The following CCDC171 variants were observed in gnomAD, a reference collection of about 807,000 sequenced individuals.
CCDC171 encodes coiled-coil domain containing 171, also known as coiled-coil domain-containing protein 171.
A neutral mutation model predicts 168.2 loss-of-function variants in CCDC171; 177 were observed. The ratio of observed to expected loss-of-function variants is 1.05; its 90% CI spans 0.93 to 1.19. CCDC171 has a LOEUF of 1.19. Among genes scored for constraint, CCDC171 ranks in the 50% most tolerant of loss-of-function variants. The pLI, the probability that CCDC171 is intolerant of heterozygous loss-of-function variation, is 0.00. For missense variants in CCDC171, 1,991 were observed against 1,539.0 expected (o/e 1.29, Z -4.91); for synonymous variants, 687 against 540.8 (o/e 1.27, Z -3.75).
chr9:15,914,051 C>T lies in CCDC171; in HGVS notation c.3601-6219C>T, dbSNP rs190903807. On this transcript the variant is annotated intron_variant, in intron 24 of 25. Coordinates refer to ENST00000380701, the MANE Select transcript of CCDC171 (RefSeq NM_173550.4). ...AGAGGGACACCTGCCAGATACCAGC[C>T]GGAGCGCTTGTATATGAGGCGTCTG... Among the ~76,000 whole-genome samples, 44 of 152,262 alleles carry T rather than the reference C, an allele frequency of 2.9e-4. No individual in the cohort carries two copies. In the East Asian group the frequency reaches 7.6e-3, roughly 26 times the overall value.
chr9:15,981,472 T>C (rs1270750791), intron 3 of CCDC171, among the ~76,000 whole-genome samples: 1 of 152,220 alleles, frequency 6.6e-6, no homozygotes, highest in Non-Finnish European at 1.5e-5. Flanking sequence ...TATTTTGTTA[T>C]AGTCTGAGCT....
At chr9:15,601,656 T>C (rs1039698041) in intron 6 of CCDC171, among the ~76,000 whole-genome samples, 1 of 152,216 alleles carries the variant, frequency 6.6e-6, no homozygotes, top group Admixed American at 6.5e-5. Context: ...TATTGTTTGA[T>C]AAAATTTTAA....
intron 6 of CCDC171, among the ~76,000 whole-genome samples, chr9:15,607,060 T>G (rs2043280077): frequency 1.3e-5 from 2 of 152,226 alleles, no homozygotes; most frequent in South Asian, 4.1e-4. Context: ...TGGATTTTCT[T>G]GAGTGTTACA....
At chr9:16,030,316 C>T (rs922541701) in intron 6 of CCDC171, among the ~76,000 whole-genome samples, 4 of 151,992 alleles carry the variant, frequency 2.6e-5, no homozygotes, top group South Asian at 2.1e-4. Context: ...TTCATTATAC[C>T]TCTGTGTGTT....
At chr9:16,046,151 T>C (rs1276599629) in intron 1 of CCDC171, among the ~76,000 whole-genome samples, 6 of 152,208 alleles carry the variant, frequency 3.9e-5, no homozygotes, top group Non-Finnish European at 7.3e-5. Context: ...ATTTTCTGTG[T>C]TCACTATGGG....
chr9:16,091,309 A>G, the CCDC171 span, among the ~76,000 whole-genome samples: 2 of 152,302 alleles, frequency 1.3e-5, no homozygotes, highest in Non-Finnish European at 2.9e-5. Flanking sequence ...ATTCTACCCA[A>G]TGGAAAAGAA....
At chr9:15,613,053 C>T (rs929273585) in intron 6 of CCDC171, among the ~76,000 whole-genome samples, 2 of 152,080 alleles carry the variant, frequency 1.3e-5, no homozygotes, top group Non-Finnish European at 2.9e-5. Context: ...CATAGATTTT[C>T]TGTTCTCTTG....
chr9:15,831,498 A>G (rs1222580147), intron 21 of CCDC171, among the ~76,000 whole-genome samples: 1 of 152,202 alleles, frequency 6.6e-6, no homozygotes, highest in African/African-American at 2.4e-5. Context: ...TTTTTTCTGC[A>G]TTGTAATTAT....
chr9:16,031,374 A>T (rs541401843), intron 6 of CCDC171, among the ~76,000 whole-genome samples: 1 of 152,320 alleles, frequency 6.6e-6, no homozygotes, highest in African/African-American at 2.4e-5. Context: ...GAAAAACTTG[A>T]AAGAATGTTC....
At chr9:16,029,898 A>G (rs1457417492) in intron 6 of CCDC171, among the ~76,000 whole-genome samples, 2 of 152,202 alleles carry the variant, frequency 1.3e-5, no homozygotes, top group Non-Finnish European at 2.9e-5. Flanking sequence ...AAAATACCTT[A>G]GACAGAGTAG....
intron 25 of CCDC171, among the ~76,000 whole-genome samples, chr9:15,953,103 AT>A (rs1829395676): frequency 6.6e-6 from 1 of 152,156 alleles, no homozygotes; most frequent in African/African-American, 2.4e-5. Context: ...GGTTTTCTAC[AT>A]GTAAGAGCAT....
At position 15,610,469 on chromosome 9, in the gene CCDC171, A is replaced by C. The variant is rs1026658581; in HGVS notation, c.676-12798A>C. Among the ~76,000 whole-genome samples, 475 of 136,264 alleles carry C rather than the reference A, an allele frequency of 3.5e-3. 1 individual carries two copies. Among genetic ancestry groups the C allele is most frequent in the Non-Finnish European group, 5.6e-3 (350 of 61,982 alleles). The allele number at this position is 136,264 out of a possible 152,430, so 89.4% of individuals were successfully genotyped here. A position where few individuals can be genotyped will look rare whatever the true frequency, so the allele number is the denominator to read the frequency against. ...TAAAAAAAAAAAAAAAAAAAAAAAA[A>C]AAAAAAAAAAAACTGGGCGTGGTGG... On this transcript the variant is annotated intron_variant, in intron 6 of 25. Transcript: ENST00000380701.
At chr9:15,942,111 A>T (rs957301099) in intron 25 of CCDC171, among the ~76,000 whole-genome samples, 3 of 151,934 alleles carry the variant, frequency 2.0e-5, no homozygotes, top group African/African-American at 7.2e-5. Flanking sequence ...GTATAATTAT[A>T]ACATTAATTG....
chr9:15,621,668 T>C (rs560220609), intron 6 of CCDC171, among the ~76,000 whole-genome samples: 24 of 152,346 alleles, frequency 1.6e-4, no homozygotes, highest in African/African-American at 5.3e-4. Context: ...GGAACACTTA[T>C]GCATTATTGG....
chr9:15,978,472 C>T (rs1003674467), downstream of CCDC171, among the ~76,000 whole-genome samples: 25 of 152,142 alleles, frequency 1.6e-4, no homozygotes, highest in Non-Finnish European at 2.6e-4. Context: ...TTCAGCGTCC[C>T]TCCTGGGCTT....
intron 6 of CCDC171, among the ~76,000 whole-genome samples, chr9:15,596,672 T>C (rs2042390522): frequency 1.3e-5 from 2 of 151,872 alleles, no homozygotes; most frequent in South Asian, 4.2e-4. Flanking sequence ...TTTTTTCCAA[T>C]TCTGTGAAGA....
At chr9:16,027,177 G>A (rs908393808) in intron 6 of CCDC171, among the ~76,000 whole-genome samples, 2 of 152,186 alleles carry the variant, frequency 1.3e-5, no homozygotes, top group African/African-American at 2.4e-5. Context: ...CAGGAATCTT[G>A]TGCTTATTAT....
At chr9:15,771,690 G>A (rs1317965671) in intron 18 of CCDC171, among the ~76,000 whole-genome samples, 1 of 152,102 alleles carries the variant, frequency 6.6e-6, no homozygotes, top group Admixed American at 6.5e-5. Context: ...TACTGAGAAA[G>A]GCTAGCCTTA....
intron 11 of CCDC171, among the ~76,000 whole-genome samples, chr9:15,714,360 G>T (rs1052913948): frequency 6.6e-6 from 1 of 152,166 alleles, no homozygotes; most frequent in Non-Finnish European, 1.5e-5. Flanking sequence ...GCCAGTTGCT[G>T]CATCTGTCCT....
Sources: gnomAD v4.1 joint callset for allele counts (sites outside exome capture counted in the v4.1 genomes callset) on GRCh38, gnomAD v4.1.1 for gene constraint, MANE v1.5 for transcripts, NCBI Gene and HGNC (gene_info 2026-07-23, HGNC 2026-07-21) for gene names.